FCHSD2: variants seen among roughly 807,000 people sequenced by gnomAD.
FCHSD2 encodes the protein FCH and double SH3 domains 2.
Under a neutral mutation model 108.1 loss-of-function variants are expected in FCHSD2, and 38 were observed. That is an observed-to-expected ratio of 0.35 (90% CI 0.27 to 0.46). The LOEUF (loss-of-function observed/expected upper bound fraction) is 0.46, where lower values mean the gene tolerates loss of function less well. FCHSD2 is among the 20% of genes least tolerant of loss of function. The pLI, the probability that FCHSD2 is intolerant of heterozygous loss-of-function variation, is 1.00. For synonymous variants in FCHSD2, 279 were observed against 314.7 expected (o/e 0.89, Z 1.20); for missense variants, 751 against 897.8 (o/e 0.84, Z 2.09).
At chr11:72,952,411 G>A (rs1432940898) in intron 8 of FCHSD2, among the ~76,000 whole-genome samples, 2 of 151,274 alleles carry the variant, frequency 1.3e-5, no homozygotes, top group Non-Finnish European at 2.9e-5. Flanking sequence ...TGCAACTTCC[G>A]CCTCCCGGGT....
Position 72,936,922 on chromosome 11 carries a change from G to A in FCHSD2, c.706-14972C>T, listed in dbSNP as rs186337358. 3.1e-3 allele frequency among the ~76,000 whole-genome samples: 469 copies of A among 152,250 alleles called. 5 individuals are homozygous for A. The highest frequency in any genetic ancestry group is 3.3e-3 in the Non-Finnish European group (227 of 68,010). ...TCTTTGTCTAGTAAGTCCAATGTAT[G>A]GACTTCCTTGGAGACAGTTTCTCTT... On this transcript the variant is annotated intron_variant, in intron 8 of 19. Transcript: ENST00000409418.
At chr11:72,958,267 T>C (rs1220172614) in intron 8 of FCHSD2, among the ~76,000 whole-genome samples, 1 of 152,124 alleles carries the variant, frequency 6.6e-6, no homozygotes, top group Non-Finnish European at 1.5e-5. Context: ...CCTGTAATCC[T>C]AGCACTTTGG....
chr11:72,921,804 C>G, intron 9 of FCHSD2, 24 bp downstream of exon 9: 1 of 1,597,506 alleles, frequency 6.3e-7, no homozygotes, highest in South Asian at 1.1e-5. Context: ...GATAACACTA[C>G]ACGTTGCACT....
chr11:72,896,904 G>A (rs2135263568), intron 10 of FCHSD2, among the ~76,000 whole-genome samples: 1 of 151,818 alleles, frequency 6.6e-6, no homozygotes, highest in Non-Finnish European at 1.5e-5. Context: ...TCGGCTCACT[G>A]CAAGCCCCGC....
At chr11:72,858,533 C>T (rs567723950) in intron 13 of FCHSD2, among the ~76,000 whole-genome samples, 12 of 152,232 alleles carry the variant, frequency 7.9e-5, no homozygotes, top group South Asian at 6.2e-4. Context: ...GACCAAATAC[C>T]GCAAATTCTC....
At chr11:73,079,441 G>T (rs918755775) in intron 3 of FCHSD2, among the ~76,000 whole-genome samples, 1 of 151,778 alleles carries the variant, frequency 6.6e-6, no homozygotes, top group Non-Finnish European at 1.5e-5. Flanking sequence ...GTCGTGATCC[G>T]CCCGCTTCAG....
At chr11:72,967,317 A>G (rs924631601) in intron 8 of FCHSD2, among the ~76,000 whole-genome samples, 3 of 152,184 alleles carry the variant, frequency 2.0e-5, no homozygotes, top group African/African-American at 7.2e-5. Flanking sequence ...AGATGAGAAT[A>G]GAGATAGGCT....
chr11:72,884,564 T>A (rs1443195342), intron 12 of FCHSD2, among the ~76,000 whole-genome samples: 1 of 147,762 alleles, frequency 6.8e-6, no homozygotes, highest in Non-Finnish European at 1.5e-5. Context: ...TTTATATATA[T>A]GATGATATAT....
At chr11:72,928,133 G>A (rs1421502123) in intron 8 of FCHSD2, among the ~76,000 whole-genome samples, 2 of 151,776 alleles carry the variant, frequency 1.3e-5, no homozygotes, top group East Asian at 3.9e-4. Flanking sequence ...GGTTAAAGCT[G>A]GATAATGAGT....
chr11:73,124,176 C>T (rs987223059), intron 2 of FCHSD2, among the ~76,000 whole-genome samples: 5 of 152,088 alleles, frequency 3.3e-5, no homozygotes, highest in Non-Finnish European at 7.3e-5. Flanking sequence ...AACCAAACAC[C>T]GCATGTTCTC....
At chr11:72,871,773 T>A (rs1052441944) in intron 12 of FCHSD2, among the ~76,000 whole-genome samples, 18 of 120,520 alleles carry the variant, frequency 1.5e-4, no homozygotes, top group Non-Finnish European at 2.7e-4. Context: ...TTTTTTTTTT[T>A]AGAGCCAGAG....
At chr11:73,051,911 ACACACC>A (rs1467014535) in intron 3 of FCHSD2, among the ~76,000 whole-genome samples, 3 of 118,290 alleles carry the variant, frequency 2.5e-5, no homozygotes, top group African/African-American at 6.9e-5. Context: ...ACACACACAC[ACACACC>A]CCACACACAC....
chr11:72,860,388 C>T (rs569264935), intron 13 of FCHSD2, among the ~76,000 whole-genome samples: 1 of 151,716 alleles, frequency 6.6e-6, no homozygotes, highest in Non-Finnish European at 1.5e-5. Context: ...TACTGGGTTA[C>T]AAAACAAAGC....
At chr11:73,061,106 G>T (rs1859149779) in intron 3 of FCHSD2, among the ~76,000 whole-genome samples, 1 of 152,220 alleles carries the variant, frequency 6.6e-6, no homozygotes, top group Non-Finnish European at 1.5e-5. Flanking sequence ...GTCCAACTGA[G>T]GTACCTGGTT....
chr11:73,023,710 A>C (rs1275720645), intron 3 of FCHSD2, among the ~76,000 whole-genome samples: 1 of 152,226 alleles, frequency 6.6e-6, no homozygotes, highest in African/African-American at 2.4e-5. Context: ...AAAAAACCTG[A>C]GCACAAATGC....
intron 3 of FCHSD2, among the ~76,000 whole-genome samples, chr11:73,022,610 G>T (rs1385829441): frequency 6.6e-6 from 1 of 152,188 alleles, no homozygotes; most frequent in Admixed American, 6.5e-5. Context: ...AATGGATGGA[G>T]AGACATTCCA....
At chr11:72,980,819 G>C (rs1857202672) in intron 8 of FCHSD2, among the ~76,000 whole-genome samples, 1 of 151,798 alleles carries the variant, frequency 6.6e-6, no homozygotes, top group Non-Finnish European at 1.5e-5. Flanking sequence ...AGGATAAGTA[G>C]TATGTCTTAC....
intron 3 of FCHSD2, among the ~76,000 whole-genome samples, chr11:73,023,595 T>C (rs1315623757): frequency 2.0e-5 from 3 of 152,234 alleles, no homozygotes; most frequent in South Asian, 2.1e-4. Context: ...GAATGCAAAA[T>C]AGTATGGCCA....
rs551974811 is a variant in FCHSD2 at position 72,885,559 on chromosome 11, C to T, written c.1146+1911G>A. Among the ~76,000 whole-genome samples, 7 of 152,150 alleles carry T rather than the reference C, an allele frequency of 4.6e-5. No individual in the cohort carries two copies. The East Asian group carries it at 9.7e-4, about 21-fold the overall frequency. On this transcript the variant is annotated intron_variant, in intron 12 of 19. Coordinates refer to ENST00000409418, the MANE Select transcript of FCHSD2 (RefSeq NM_014824.3). Reference sequence around the variant, plus strand: ...TACTACTGGGGATGGCGGGAGGTTTCGTGGAGTTAGGGTACCAGTCGGTGA... The same window carrying T: ...TACTACTGGGGATGGCGGGAGGTTTTGTGGAGTTAGGGTACCAGTCGGTGA...
Sources: allele counts gnomAD v4.1 joint callset (sites outside exome capture counted in the v4.1 genomes callset), GRCh38; gene constraint gnomAD v4.1.1; transcripts MANE v1.5; gene names NCBI Gene and HGNC (gene_info 2026-07-23, HGNC 2026-07-21).